The following CCDC78 variants were observed in gnomAD, a reference collection of about 807,000 sequenced individuals.
CCDC78 encodes the protein coiled-coil domain-containing protein 78.
Under a neutral mutation model 61.9 loss-of-function variants are expected in CCDC78, and 78 were observed. The observed-to-expected ratio is 1.26, with a 90% CI of 1.05 to 1.52. The LOEUF (loss-of-function observed/expected upper bound fraction) is 1.52, where lower values mean the gene tolerates loss of function less well. Ranked by LOEUF, CCDC78 falls within the 40% of genes most tolerant of loss-of-function variation. The probability of loss-of-function intolerance (pLI) is 0.00; values close to 1 mark genes in which losing one functional copy is unlikely to be tolerated. For missense variants in CCDC78, 737 were observed against 615.5 expected (o/e 1.20, Z -2.09); for synonymous variants, 287 against 251.9 (o/e 1.14, Z -1.32).
At chr16:724,244 G>T in intron 9 of CCDC78, 39 bp from the exon 10 acceptor site, 1 of 1,585,286 alleles carries the variant, frequency 6.3e-7, no homozygotes, top group Non-Finnish European at 8.6e-7. Context: ...GGCCACTCCT[G>T]CTGCACACCA....
At chr16:725,762 A>G (rs1370980527) in intron 3 of CCDC78, 32 bp downstream of exon 3, 1 of 1,588,766 alleles carries the variant, frequency 6.3e-7, no homozygotes, top group Non-Finnish European at 8.6e-7. Context: ...CCCGTCCCCC[A>G]TGCACTGAGG....
intron 11 of CCDC78, 160 bp from the exon 12 acceptor site, chr16:723,321 C>CT (rs397778204): frequency 1.2e-6 from 1 of 825,268 alleles, no homozygotes; most frequent in South Asian, 1.4e-5. Flanking sequence ...GCGCCCCCCC[C>CT]AGGCCTTGGA....
Position 722,689 on chromosome 16 carries a change from CGGTCCTTGGATGCT to C in CCDC78, c.1388_1401del (p.Gln463ArgfsTer31), listed in dbSNP as rs1325316775. The C allele has an allele frequency of 6.2e-7, 1 of 1,607,036 alleles. No individual in the cohort carries two copies. Among genetic ancestry groups the C allele is most frequent in the East Asian group, 2.2e-5 (1 of 44,890 alleles). On this transcript the variant is annotated frameshift_variant, in exon 14 of 14. Transcript: ENST00000345165. LOFTEE classifies it high-confidence loss of function. ...CCTTGGGAGACGGCCTAGTGGCTGCCGGTCCTTGGATGCTGGGGCTTGGCTGGAGGCACAGCCCC... is the reference window on the plus strand; with the variant it reads ...CCTTGGGAGACGGCCTAGTGGCTGCCGGGGCTTGGCTGGAGGCACAGCCCC...
At chr16:723,471 G>A (rs1198610031) in intron 11 of CCDC78, 1 of 683,920 alleles carries the variant, frequency 1.5e-6, no homozygotes. Context: ...TAAACCCCAG[G>A]AAATGGTCCT....
At position 724,210 on chromosome 16, in the gene CCDC78, C is replaced by T. The variant is rs773837566; in HGVS notation, c.954-5G>A. The T allele has an allele frequency of 6.3e-6, 10 of 1,591,972 alleles. No individual in the cohort carries two copies. Among genetic ancestry groups the T allele is most frequent in the Non-Finnish European group, 8.6e-6 (10 of 1,168,626 alleles). On this transcript the variant is annotated splice_polypyrimidine_tract_variant and splice_region_variant and intron_variant, in intron 9 of 13. Transcript: ENST00000345165. ...GCTTGGGGGTTCCCAGGTGCCCTGT[C>T]AGGGTAGGCTAGTGTCTGTCTGGGG... is the stretch of plus-strand genomic sequence containing the variant.
Position 725,505 on chromosome 16 carries a change from C to T in CCDC78, c.343G>A (p.Val115Met). ...CGGGGATGCCTGGGGTCAGACTCCA[C>T]TGGGACTGCACAGCCCTGGCTGGTG... Reference protein sequence around the residue: ...DGTSQGCAVPVESDPRHPRAA... With the variant: ...DGTSQGCAVPMESDPRHPRAA... Residue 115 changes from valine (V) to methionine (M), a missense_variant, in exon 4 of 14, where the codon GTG becomes ATG. Val to Met is a conservative substitution (Grantham distance 21). Coordinates refer to ENST00000345165, the MANE Select transcript of CCDC78 (RefSeq NM_001378030.1). 1 of 1,612,646 alleles carries T rather than the reference C, an allele frequency of 6.2e-7. No individual in the cohort carries two copies. The highest frequency in any genetic ancestry group is 1.1e-5 in the South Asian group (1 of 91,090).
intron 5 of CCDC78, 41 bp downstream of exon 5, chr16:725,196 G>T: frequency 6.2e-7 from 1 of 1,611,362 alleles, no homozygotes; most frequent in South Asian, 1.1e-5. Flanking sequence ...TGGGGTCTCT[G>T]GTGCTGCCCT....
rs780904087 is a variant in CCDC78 at position 726,101 on chromosome 16, C to CA, written c.61-17dup. 1.2e-5 allele frequency: 18 copies of CA among 1,549,220 alleles called. No homozygotes were observed. Among genetic ancestry groups the CA allele is most frequent in the Non-Finnish European group, 1.6e-5 (18 of 1,146,690 alleles). On this transcript the variant is annotated splice_polypyrimidine_tract_variant and intron_variant, in intron 1 of 13. Transcript: ENST00000345165. Reference sequence around the variant, plus strand: ...GTAGCACAACCTGGGGAGGTACCGCCACCCATTCCCCAGGTGGGTCCCAGG... The same window carrying CA: ...GTAGCACAACCTGGGGAGGTACCGCCAACCCATTCCCCAGGTGGGTCCCAGG...
At chr16:725,334 A>G (rs1368375591) in intron 4 of CCDC78, 41 bp from the exon 5 acceptor site, 1 of 1,610,810 alleles carries the variant, frequency 6.2e-7, no homozygotes, top group East Asian at 2.2e-5. Flanking sequence ...GGGGTGGGTG[A>G]GCCCCAGTTT....
At position 722,725 on chromosome 16, in the gene CCDC78, C is replaced by G. The variant is rs532033150; in HGVS notation, c.1366G>C (p.Ala456Pro). 148 of 1,610,930 alleles carry G rather than the reference C, an allele frequency of 9.2e-5. 2 individuals are homozygous for G. Among genetic ancestry groups the G allele is most frequent in the South Asian group, 7.5e-4 (68 of 91,084 alleles). Reference protein sequence around the residue: ...AGAGDPWKVGAVPPAKPQHPR... With the variant: ...AGAGDPWKVGPVPPAKPQHPR... ...TGCTGGGGCTTGGCTGGAGGCACAG[C>G]CCCCACTTTCCAGGGGTCCCCTGCA... The change falls in exon 14 of 14, where the codon GCT becomes CCT. Residue 456 changes from alanine (A) to proline (P), a missense_variant. By Grantham distance (27) the Ala-to-Pro change is conservative. Coordinates refer to ENST00000345165, the MANE Select transcript of CCDC78 (RefSeq NM_001378030.1).
rs747394102 is a variant in CCDC78, at chr16:724,211, A to C, written c.954-6T>G. 1.9e-6 allele frequency: 3 copies of C among 1,587,988 alleles called. No individual in the cohort carries two copies. In the African/African-American group the frequency reaches 4.0e-5, roughly 21 times the overall value. Reference sequence around the variant, plus strand: ...CTTGGGGGTTCCCAGGTGCCCTGTCAGGGTAGGCTAGTGTCTGTCTGGGGC... The same window carrying C: ...CTTGGGGGTTCCCAGGTGCCCTGTCCGGGTAGGCTAGTGTCTGTCTGGGGC... On this transcript the variant is annotated splice_polypyrimidine_tract_variant and splice_region_variant and intron_variant, in intron 9 of 13. Coordinates refer to ENST00000345165, the MANE Select transcript of CCDC78 (RefSeq NM_001378030.1).
At chr16:724,248 C>T (rs1263374497) in intron 9 of CCDC78, 43 bp from the exon 10 acceptor site, 2 of 1,584,970 alleles carry the variant, frequency 1.3e-6, no homozygotes, top group Non-Finnish European at 1.7e-6. Context: ...ACTCCTGCTG[C>T]ACACCAAGCC....
chr16:726,104 C>T lies in CCDC78; in HGVS notation c.61-19G>A. On this transcript the variant is annotated intron_variant, in intron 1 of 13. Transcript: ENST00000345165. ...GCACAACCTGGGGAGGTACCGCCAC[C>T]CATTCCCCAGGTGGGTCCCAGGCTG... is the stretch of plus-strand genomic sequence containing the variant. The T allele has an allele frequency of 6.5e-7, 1 of 1,549,320 alleles. No homozygotes were observed. Among genetic ancestry groups the T allele is most frequent in the Non-Finnish European group, 8.7e-7 (1 of 1,146,684 alleles).
rs191749939 is a variant in CCDC78, at chr16:722,988, A to C, written c.1235T>G (p.Val412Gly). ...TTGCTCTTCAGCCATCGTGGCCCGGACCAGCAGCTGTGCCCGCTCCCGTTC... is the reference window on the plus strand; with the variant it reads ...TTGCTCTTCAGCCATCGTGGCCCGGCCCAGCAGCTGTGCCCGCTCCCGTTC... ...ELERERAQLL[V>G]RATMAEEQLS... The change falls in exon 13 of 14, where the codon GTC (valine) becomes GGC (glycine). Residue 412 changes from valine to glycine, a missense_variant. Physicochemically the swap from Val to Gly is moderately radical, Grantham distance 109 (BLOSUM62 -3). Transcript: ENST00000345165. 17 of 1,612,416 alleles carry C rather than the reference A, an allele frequency of 1.1e-5. No individual in the cohort carries two copies. The East Asian group carries it at 2.5e-4, about 23-fold the overall frequency.
chr16:725,818 A>T lies in CCDC78; in HGVS notation c.243T>A (p.Ala81=). 6.2e-7 allele frequency: 1 copy of T among 1,610,116 alleles called. No homozygotes were observed. Among genetic ancestry groups the T allele is most frequent in the Non-Finnish European group, 8.5e-7 (1 of 1,178,272 alleles). Residue 81 remains alanine (A), a synonymous_variant, in exon 3 of 14, where the codon GCT becomes GCA. Transcript: ENST00000345165. ...TTHHLHEQHE[A]EIFQLKSEIL... ...CCTCACTCTTCAGCTGGAAGATTTC[A>T]GCCTCATGCTGCTCATGTAGGTGGT... is the stretch of plus-strand genomic sequence containing the variant.
intron 11 of CCDC78, chr16:723,650 A>G: frequency 2.9e-6 from 2 of 700,172 alleles, no homozygotes; most frequent in Non-Finnish European, 2.6e-6. Context: ...CTCCACCTGC[A>G]GCAGCCCCTC....
chr16:725,533 A>G lies in CCDC78; in HGVS notation c.315T>C (p.Asp105=), dbSNP rs2040811675. Residue 105 remains aspartate (D), a synonymous_variant, in exon 4 of 14, where the codon GAT becomes GAC. Transcript: ENST00000345165. ...GGACTGCACAGCCCTGGCTGGTGCC[A>G]TCTCCTCGCAGCTCCAGCTCCAGTA... is the stretch of plus-strand genomic sequence containing the variant. ...SRVLELELRG[D]GTSQGCAVPV... is the part of the protein sequence containing the mutation. The G allele has an allele frequency of 6.2e-7, 1 of 1,612,060 alleles. No homozygotes were observed. The highest frequency in any genetic ancestry group is 8.5e-7 in the Non-Finnish European group (1 of 1,179,802).
chr16:724,961 C>G lies in CCDC78; in HGVS notation c.589G>C (p.Ala197Pro), dbSNP rs1272505291. The G allele has an allele frequency of 6.2e-7, 1 of 1,611,640 alleles. No individual in the cohort carries two copies. Among genetic ancestry groups the G allele is most frequent in the Non-Finnish European group, 8.5e-7 (1 of 1,179,430 alleles). Residue 197 changes from alanine (A) to proline (P), a missense_variant, in exon 7 of 14, where the codon GCC (alanine) becomes CCC (proline). Physicochemically the swap from Ala to Pro is conservative, Grantham distance 27. Transcript: ENST00000345165. ...CCGGCTGCCCTGGCCTCCTCTCGGG[C>G]TCCCTGCAGCTGCCGGCCCAGGGTT... The part of the protein sequence containing the change: ...VATLGRQLQG[A>P]REEARAAGQR...
chr16:722,635 C>A lies in CCDC78; in HGVS notation c.*43G>T. On this transcript the variant is annotated 3_prime_UTR_variant, in exon 14 of 14. Coordinates refer to ENST00000345165, the MANE Select transcript of CCDC78 (RefSeq NM_001378030.1). ...GGGGGCTGGGTGGGAGGGTTCTGTG[C>A]TGGCTGAGGAGCTCTGCTCTGCTCT... is the stretch of plus-strand genomic sequence containing the variant. The A allele has an allele frequency of 6.3e-7, 1 of 1,592,270 alleles. No homozygotes were observed.
Sources: allele counts gnomAD v4.1 joint callset, GRCh38; gene constraint gnomAD v4.1.1; transcripts MANE v1.5; gene names NCBI Gene and HGNC (gene_info 2026-07-23, HGNC 2026-07-21).